Variants in TMED3 observed in about 807,000 individuals in gnomAD.
TMED3 encodes transmembrane emp24 domain-containing protein 3.
TMED3 carries 9 observed loss-of-function variants against 15.0 expected under a neutral mutation model. The observed-to-expected ratio is 0.60, with a 90% CI of 0.36 to 1.04. The LOEUF (loss-of-function observed/expected upper bound fraction) is 1.04, where lower values mean the gene tolerates loss of function less well. TMED3 is among the 50% of genes least tolerant of loss of function. The probability of loss-of-function intolerance (pLI) is 0.01; values close to 1 mark genes in which losing one functional copy is unlikely to be tolerated. For synonymous variants in TMED3, 117 were observed against 121.4 expected (o/e 0.96, Z 0.24); for missense variants, 267 against 278.9 (o/e 0.96, Z 0.30).
intron 2 of TMED3, among the ~76,000 whole-genome samples, chr15:79,370,133 C>T (rs1434604982): frequency 6.6e-6 from 1 of 152,088 alleles, no homozygotes; most frequent in Non-Finnish European, 1.5e-5. Flanking sequence ...CTCTGTTGCC[C>T]AGGCTGGAGT....
chr15:79,333,275 G>A (rs375754601), intron 2 of TMED3, among the ~76,000 whole-genome samples: 4 of 152,202 alleles, frequency 2.6e-5, no homozygotes, highest in African/African-American at 9.6e-5. Context: ...ATCTAACACA[G>A]TTGAATGACA....
chr15:79,311,253 G>A lies in TMED3; in HGVS notation c.4G>A (p.Gly2Ser), dbSNP rs546320411. The A allele has an allele frequency of 5.4e-5, 86 of 1,599,918 alleles. No individual in the cohort carries two copies. The highest frequency in any genetic ancestry group is 7.1e-5 in the Non-Finnish European group (84 of 1,175,864). The change falls in exon 1 of 3, where the codon GGC becomes AGC. Residue 2 changes from glycine to serine, a missense_variant. By Grantham distance (56) the Gly-to-Ser change is moderately conservative. Around this residue, in one of 3 missense-constraint regions of TMED3, gnomAD observed 59 missense variants for 47.0 expected, o/e 1.26. Coordinates refer to ENST00000299705, the MANE Select transcript of TMED3 (RefSeq NM_007364.4). Reference sequence around the variant, plus strand: ...TCGAGACGGGACCGAGAGCATCATGGGCAGCACTGTCCCGCGCTCCGCCTC... The same window carrying A: ...TCGAGACGGGACCGAGAGCATCATGAGCAGCACTGTCCCGCGCTCCGCCTC... Reference protein sequence around the residue: MGSTVPRSASVL... With the variant: MSSTVPRSASVL...
chr15:79,360,863 T>G (rs1893115442), intron 2 of TMED3, among the ~76,000 whole-genome samples: 1 of 152,138 alleles, frequency 6.6e-6, no homozygotes, highest in African/African-American at 2.4e-5. Flanking sequence ...ATTTTTATAT[T>G]TTTAGAGACA....
At chr15:79,410,562 G>A (rs920712420) in intron 2 of TMED3, among the ~76,000 whole-genome samples, 1 of 152,096 alleles carries the variant, frequency 6.6e-6, no homozygotes, top group Admixed American at 6.6e-5. Flanking sequence ...TCCATCACCA[G>A]CTTAATTTAA....
chr15:79,396,491 T>C (rs979852191), intron 2 of TMED3, among the ~76,000 whole-genome samples: 1 of 152,234 alleles, frequency 6.6e-6, no homozygotes, highest in Admixed American at 6.5e-5. Flanking sequence ...CACCTGTTTG[T>C]AGCCTGTCCA....
At chr15:79,398,492 C>T (rs1893791599) in intron 2 of TMED3, among the ~76,000 whole-genome samples, 1 of 152,050 alleles carries the variant, frequency 6.6e-6, no homozygotes, top group Non-Finnish European at 1.5e-5. Context: ...AGTTTGACGG[C>T]CTTAGAGCCA....
Position 79,359,266 on chromosome 15 carries a change from T to G in TMED3, c.417+45261T>G, listed in dbSNP as rs1209253989. Reference sequence around the variant, plus strand: ...TTTTTTTTTTGAGACGGAGTCTTGCTCTATTGCCCAGGCTGGAGTGCAGTG... The same window carrying G: ...TTTTTTTTTTGAGACGGAGTCTTGCGCTATTGCCCAGGCTGGAGTGCAGTG... On this transcript the variant is annotated intron_variant, in intron 2 of 2. Coordinates refer to the TMED3 transcript ENST00000424155. Among the ~76,000 whole-genome samples, 33 of 141,796 alleles carry G rather than the reference T, an allele frequency of 2.3e-4. 1 individual carries two copies. Among genetic ancestry groups the G allele is most frequent in the Admixed American group, 6.7e-4 (9 of 13,456 alleles). The allele number at this position is 141,796 out of a possible 152,430, so 93.0% of individuals were successfully genotyped here.
chr15:79,388,023 C>T (rs1893648251), intron 2 of TMED3, among the ~76,000 whole-genome samples: 1 of 152,084 alleles, frequency 6.6e-6, no homozygotes, highest in Non-Finnish European at 1.5e-5. Flanking sequence ...TGAGCACAAT[C>T]ATAATATCTG....
At chr15:79,382,921 A>G (rs993316064) in intron 2 of TMED3, 2 of 1,522,424 alleles carry the variant, frequency 1.3e-6, no homozygotes, top group Admixed American at 3.9e-5. Context: ...ATTCCCATTG[A>G]CAAAGTCAAT....
chr15:79,328,233 C>T (rs773118378), intron 2 of TMED3, among the ~76,000 whole-genome samples: 1 of 152,144 alleles, frequency 6.6e-6, no homozygotes, highest in Non-Finnish European at 1.5e-5. Flanking sequence ...GAAAAAGTCA[C>T]GGCTGATCCT....
intron 2 of TMED3, among the ~76,000 whole-genome samples, chr15:79,404,137 A>G (rs1224546300): frequency 6.6e-6 from 1 of 152,190 alleles, no homozygotes; most frequent in African/African-American, 2.4e-5. Context: ...CTATGCCATT[A>G]AACCTGGTAT....
chr15:79,398,413 C>T (rs773814089), intron 2 of TMED3, among the ~76,000 whole-genome samples: 6 of 151,194 alleles, frequency 4.0e-5, no homozygotes, highest in African/African-American at 7.4e-5. Flanking sequence ...TCTGCCTGCC[C>T]CAGCCTCCCT....
intron 2 of TMED3, among the ~76,000 whole-genome samples, chr15:79,354,522 A>G (rs1014556753): frequency 3.9e-5 from 6 of 152,304 alleles, no homozygotes; most frequent in Non-Finnish European, 5.9e-5. Context: ...GTCTGCTGAT[A>G]ACAGGTTCTT....
chr15:79,369,631 A>G (rs1003824441), intron 2 of TMED3, among the ~76,000 whole-genome samples: 1 of 152,210 alleles, frequency 6.6e-6, no homozygotes, highest in African/African-American at 2.4e-5. Context: ...GGGGAATGTT[A>G]GGTCATTTTT....
chr15:79,326,987 G>A (rs2058789822), downstream of TMED3, among the ~76,000 whole-genome samples: 1 of 152,188 alleles, frequency 6.6e-6, no homozygotes, highest in African/African-American at 2.4e-5. Context: ...AGAGATCACA[G>A]GGTGAGACAG....
intron 2 of TMED3, among the ~76,000 whole-genome samples, chr15:79,361,604 G>T (rs1466548471): frequency 6.6e-6 from 1 of 152,072 alleles, no homozygotes; most frequent in Non-Finnish European, 1.5e-5. Flanking sequence ...TACAAATTGG[G>T]TGCAGTGCTC....
At chr15:79,393,302 G>A (rs1028373115) in intron 2 of TMED3, among the ~76,000 whole-genome samples, 2 of 152,244 alleles carry the variant, frequency 1.3e-5, no homozygotes, top group East Asian at 1.9e-4. Context: ...AACTAGAGCC[G>A]AGTTTTGTTA....
At chr15:79,314,175 C>G (rs955714895) in intron 2 of TMED3, among the ~76,000 whole-genome samples, 170 bp downstream of exon 2, 1 of 152,244 alleles carries the variant, frequency 6.6e-6, no homozygotes, top group Admixed American at 6.5e-5. Flanking sequence ...ATGCCATGCT[C>G]TTCTTTCGAT....
At chr15:79,335,094 C>G (rs2058822598) in intron 2 of TMED3, among the ~76,000 whole-genome samples, 1 of 152,138 alleles carries the variant, frequency 6.6e-6, no homozygotes, top group Non-Finnish European at 1.5e-5. Flanking sequence ...CTTTGTACAA[C>G]AAGGATATCC....
Sources: allele counts gnomAD v4.1 joint callset (sites outside exome capture counted in the v4.1 genomes callset), GRCh38; gene constraint gnomAD v4.1.1; regional missense constraint gnomAD v4.1.1; transcripts MANE v1.5; gene names NCBI Gene and HGNC (gene_info 2026-07-23, HGNC 2026-07-21).